FGF12: variants seen among roughly 807,000 people sequenced by gnomAD.
FGF12 encodes the protein fibroblast growth factor 12B.
In FGF12, 14 loss-of-function variants were observed where a neutral mutation model predicts 23.6. That is an observed-to-expected ratio of 0.59 (90% confidence interval 0.39 to 0.93). FGF12 has a LOEUF of 0.93. Ranked by LOEUF, FGF12 falls within the 40% of genes least tolerant of loss-of-function variation. FGF12 has a pLI of 0.00. For missense variants in FGF12, 175 were observed against 217.8 expected (o/e 0.80, Z 1.24); for synonymous variants, 62 against 77.3 (o/e 0.80, Z 1.04).
chr3:192,357,209 C>T (rs1319057094), intron 3 of FGF12, among the ~76,000 whole-genome samples: 1 of 152,156 alleles, frequency 6.6e-6, no homozygotes, highest in Non-Finnish European at 1.5e-5. Context: ...TGGGGCCAGG[C>T]ACGGTGACTC....
intron 4 of FGF12, among the ~76,000 whole-genome samples, chr3:192,289,248 C>T (rs772577821): frequency 6.6e-6 from 1 of 152,078 alleles, no homozygotes; most frequent in Non-Finnish European, 1.5e-5. Flanking sequence ...GGATGCAGGA[C>T]CCAACAAGGT....
chr3:192,535,112 A>G (rs1159273470), intron 2 of FGF12, among the ~76,000 whole-genome samples: 1 of 152,194 alleles, frequency 6.6e-6, no homozygotes, highest in Non-Finnish European at 1.5e-5. Context: ...AATAGTATAT[A>G]AGGTGTGTTT....
chr3:192,691,881 T>C (rs138622938), intron 2 of FGF12, among the ~76,000 whole-genome samples: 13 of 150,404 alleles, frequency 8.6e-5, no homozygotes, highest in Non-Finnish European at 1.8e-4. Context: ...AGGACTATCA[T>C]GAAAAATTAT....
chr3:192,369,893 T>C (rs140909405), intron 2 of FGF12, among the ~76,000 whole-genome samples: 107 of 152,306 alleles, frequency 7.0e-4, no homozygotes, highest in African/African-American at 2.4e-3. Flanking sequence ...ATGGGGATGC[T>C]AATTTTACCT....
intron 2 of FGF12, chr3:192,516,810 C>A (rs1724682806): frequency 6.6e-6 from 1 of 152,274 alleles, no homozygotes; most frequent in African/African-American, 2.4e-5. Flanking sequence ...AAAACCACTG[C>A]AGTGACATCA....
At chr3:192,386,668 T>G (rs1196381564) in intron 2 of FGF12, among the ~76,000 whole-genome samples, 2 of 152,186 alleles carry the variant, frequency 1.3e-5, no homozygotes, top group Non-Finnish European at 2.9e-5. Context: ...TTTTTCCTTC[T>G]ACATACAAGG....
At chr3:192,362,304 T>C (rs555360343) in intron 2 of FGF12, among the ~76,000 whole-genome samples, 62 of 152,300 alleles carry the variant, frequency 4.1e-4, no homozygotes, top group Non-Finnish European at 6.5e-4. Flanking sequence ...TTGTTACATA[T>C]GTATACATGT....
intron 2 of FGF12, among the ~76,000 whole-genome samples, chr3:192,689,556 G>A (rs1205647158): frequency 6.6e-6 from 1 of 151,866 alleles, no homozygotes; most frequent in Non-Finnish European, 1.5e-5. Flanking sequence ...GCTTGAAGAA[G>A]AATAGATCAT....
intron 2 of FGF12, among the ~76,000 whole-genome samples, chr3:192,501,231 G>A (rs6779174): frequency 0.084 from 12,752 of 152,178 alleles, 615 homozygotes; most frequent in Admixed American, 0.19. Flanking sequence ...TTGGAGAATA[G>A]AGCTGGGAAG....
intron 2 of FGF12, among the ~76,000 whole-genome samples, chr3:192,460,315 C>T (rs1270078884): frequency 1.3e-5 from 2 of 152,160 alleles, no homozygotes; most frequent in Non-Finnish European, 2.9e-5. Flanking sequence ...CCTACTCATG[C>T]TTAAGTTCGG....
chr3:192,548,160 G>T (rs546926108), intron 2 of FGF12, among the ~76,000 whole-genome samples: 7 of 152,194 alleles, frequency 4.6e-5, no homozygotes, highest in South Asian at 4.2e-4. Context: ...AAGTGTCAGG[G>T]TATGCTGAGG....
intron 2 of FGF12, among the ~76,000 whole-genome samples, chr3:192,572,139 TA>T (rs1156702245): frequency 3.3e-5 from 5 of 152,296 alleles, no homozygotes; most frequent in Non-Finnish European, 5.9e-5. Flanking sequence ...AAGCTTTTAA[TA>T]AACACAACTT....
At chr3:192,168,016 C>T (rs890696890) in intron 5 of FGF12, among the ~76,000 whole-genome samples, 3 of 151,490 alleles carry the variant, frequency 2.0e-5, no homozygotes, top group South Asian at 2.1e-4. Flanking sequence ...CCGCCCACCT[C>T]GGTCTCCCAA....
At chr3:192,436,336 G>A (rs563561507) in intron 2 of FGF12, among the ~76,000 whole-genome samples, 6 of 152,332 alleles carry the variant, frequency 3.9e-5, no homozygotes, top group South Asian at 4.1e-4. Context: ...AGAGCTTACT[G>A]CTGTAAATTA....
intron 2 of FGF12, among the ~76,000 whole-genome samples, chr3:192,566,225 T>A (rs1179911300): frequency 1.3e-5 from 2 of 152,230 alleles, no homozygotes; most frequent in Non-Finnish European, 2.9e-5. Context: ...TAGAGCCAAA[T>A]TGAGGGATCT....
chr3:192,427,056 C>CGTT (rs1721708438), intron 2 of FGF12, among the ~76,000 whole-genome samples: 1 of 151,990 alleles, frequency 6.6e-6, no homozygotes, highest in African/African-American at 2.4e-5. Flanking sequence ...TTTCCTGGGA[C>CGTT]TTTTCAATAA....
chr3:192,589,825 C>T (rs978672212), intron 2 of FGF12, among the ~76,000 whole-genome samples: 4 of 151,718 alleles, frequency 2.6e-5, no homozygotes, highest in African/African-American at 7.3e-5. Flanking sequence ...TAAGGTCACA[C>T]GGTAGGAGGA....
intron 2 of FGF12, among the ~76,000 whole-genome samples, chr3:192,394,162 A>G (rs1177851259): frequency 2.0e-5 from 3 of 152,224 alleles, no homozygotes; most frequent in Admixed American, 2.0e-4. Flanking sequence ...TCGAGACTAC[A>G]CTAGTAAATA....
At chr3:192,301,935 C>G (rs531858866) in intron 4 of FGF12, among the ~76,000 whole-genome samples, 10 of 152,198 alleles carry the variant, frequency 6.6e-5, no homozygotes, top group East Asian at 1.9e-4. Flanking sequence ...TATTTACTCT[C>G]CAAATCAGAG....
Sources: gnomAD v4.1 joint callset for allele counts (sites outside exome capture counted in the v4.1 genomes callset) on GRCh38, gnomAD v4.1.1 for gene constraint, MANE v1.5 for transcripts, NCBI Gene and HGNC (gene_info 2026-07-23, HGNC 2026-07-21) for gene names.